The following NMRK1 variants were observed in gnomAD, a reference collection of about 807,000 sequenced individuals.
NMRK1 encodes nicotinamide riboside kinase 1.
NMRK1 carries 28 observed loss-of-function variants against 29.9 expected under a neutral mutation model. The ratio of observed to expected loss-of-function variants is 0.94; its 90% CI spans 0.69 to 1.28. The LOEUF is 1.28. NMRK1 is among the 50% of genes most tolerant of loss of function. The probability of loss-of-function intolerance (pLI) is 0.00; values close to 1 mark genes in which losing one functional copy is unlikely to be tolerated. For missense variants in NMRK1, 218 were observed against 233.1 expected (o/e 0.94, Z 0.42); for synonymous variants, 58 against 73.0 (o/e 0.79, Z 1.05).
chr9:75,069,181 G>T (rs1823548180), intron 6 of NMRK1, 79 bp from the exon 7 acceptor site: 1 of 1,001,390 alleles, frequency 1.0e-6, no homozygotes, highest in East Asian at 2.4e-5. Flanking sequence ...CAGGATAATG[G>T]GGAAATCACT....
chr9:75,071,968 G>A (rs1322357272), intron 4 of NMRK1, among the ~76,000 whole-genome samples: 1 of 152,234 alleles, frequency 6.6e-6, no homozygotes, highest in African/African-American at 2.4e-5. Context: ...GGGTGACGTG[G>A]AGGGGTGACT....
At chr9:75,067,778 C>T (rs145822533) in intron 7 of NMRK1, among the ~76,000 whole-genome samples, 437 of 152,276 alleles carry the variant, frequency 2.9e-3, no homozygotes, top group Non-Finnish European at 4.7e-3. Context: ...CAGCATTGGC[C>T]CTGGGGGTAC....
chr9:75,061,500 C>T lies in NMRK1; in HGVS notation c.*48G>A. 1 of 1,513,290 alleles carries T rather than the reference C, an allele frequency of 6.6e-7. No homozygotes were observed. Among genetic ancestry groups the T allele is most frequent in the Non-Finnish European group, 9.1e-7 (1 of 1,094,474 alleles). 93.7% of individuals were successfully genotyped at this position (1,513,290 alleles called of 1,614,324 possible). ...CTTGGTGAAGGTTCTTAAATTACTC[C>T]TTGGAGTTTCCTAATTCACTTCAGG... On this transcript the variant is annotated 3_prime_UTR_variant, in exon 9 of 9. Coordinates refer to ENST00000361092, the MANE Select transcript of NMRK1 (RefSeq NM_017881.3).
At chr9:75,087,556 G>A (rs1824736989) in intron 1 of NMRK1, 1 of 151,654 alleles carries the variant, frequency 6.6e-6, no homozygotes, top group Non-Finnish European at 1.5e-5. Flanking sequence ...GTAATTTCAT[G>A]TAATTTTCAC....
intron 4 of NMRK1, among the ~76,000 whole-genome samples, chr9:75,074,039 G>T (rs1221886058): frequency 2.0e-5 from 3 of 151,778 alleles, no homozygotes; most frequent in Non-Finnish European, 2.9e-5. Flanking sequence ...ATATTTCTAT[G>T]TCCTTATACA....
Position 75,066,865 on chromosome 9 carries a change from T to A in NMRK1, c.497-25A>T, listed in dbSNP as rs766841057. The A allele has an allele frequency of 1.5e-5, 20 of 1,302,128 alleles. No individual in the cohort carries two copies. In the South Asian group the frequency reaches 2.1e-4, roughly 14 times the overall value. The allele number at this position is 1,302,128 out of a possible 1,614,324, so 80.7% of individuals were successfully genotyped here. ...ACTACGAAGGGGAAAAGAGAGCAGTTCAAATGCTAACAGGCTTATTAATAT... is the reference window on the plus strand; with the variant it reads ...ACTACGAAGGGGAAAAGAGAGCAGTACAAATGCTAACAGGCTTATTAATAT... On this transcript the variant is annotated intron_variant, in intron 7 of 8. Coordinates refer to ENST00000361092, the MANE Select transcript of NMRK1 (RefSeq NM_017881.3).
intron 4 of NMRK1, among the ~76,000 whole-genome samples, chr9:75,070,563 T>C (rs545410894): frequency 2.0e-5 from 3 of 152,302 alleles, no homozygotes; most frequent in South Asian, 2.1e-4. Context: ...ACTCTAAAAA[T>C]GTACATACTT....
chr9:75,066,793 A>G lies in NMRK1; in HGVS notation c.544T>C (p.Tyr182His), dbSNP rs771822955. 9 of 1,609,544 alleles carry G rather than the reference A, an allele frequency of 5.6e-6. No individual in the cohort carries two copies. Among genetic ancestry groups the G allele is most frequent in the East Asian group, 2.2e-5 (1 of 44,828 alleles). ...KSEEDLFLQV[Y>H]EDLIQELAKQ... ...GCTAGTTCTTGTATTAGATCTTCAT[A>G]TACTTGCAAAAAGAGGTCCTCTTCA... The change falls in exon 8 of 9, where the codon TAT (tyrosine) becomes CAT (histidine). Residue 182 changes from tyrosine to histidine, a missense_variant. Transcript: ENST00000361092.
intron 4 of NMRK1, 78 bp from the exon 5 acceptor site, chr9:75,070,120 C>A: frequency 8.9e-7 from 1 of 1,127,102 alleles, no homozygotes; most frequent in South Asian, 1.5e-5. Context: ...TGAGTATATC[C>A]AGGATTCTGT....
At chr9:75,080,361 G>A (rs1268164428) in intron 2 of NMRK1, among the ~76,000 whole-genome samples, 2 of 152,160 alleles carry the variant, frequency 1.3e-5, no homozygotes, top group African/African-American at 2.4e-5. Flanking sequence ...ATATTGAAAT[G>A]TGATCCCTGG....
chr9:75,083,829 T>C lies in NMRK1; in HGVS notation c.-35-679A>G, dbSNP rs142602572. On this transcript the variant is annotated intron_variant, in intron 1 of 8. Transcript: ENST00000361092. Reference sequence around the variant, plus strand: ...ATCTAGGTTGTTATGTATGGACTTATATAACAAGAGAAAAAACATTTTCAC... The same window carrying C: ...ATCTAGGTTGTTATGTATGGACTTACATAACAAGAGAAAAAACATTTTCAC... Among the ~76,000 whole-genome samples, 610 of 152,330 alleles carry C rather than the reference T, an allele frequency of 4.0e-3. 8 individuals carry two copies. Among genetic ancestry groups the C allele is most frequent in the African/African-American group, 0.014 (593 of 41,568 alleles).
chr9:75,085,882 A>T lies in NMRK1; in HGVS notation c.-36+2126T>A, dbSNP rs1435502651. Among the ~76,000 whole-genome samples, 3 of 135,996 alleles carry T rather than the reference A, an allele frequency of 2.2e-5. No individual in the cohort carries two copies. In the South Asian group the frequency reaches 7.3e-4, roughly 33 times the overall value. The allele number at this position is 135,996 out of a possible 152,430, so 89.2% of individuals were successfully genotyped here. ...GACAATGTGATGGGAAGGGTGGGTAACTGGAACATGCAGAGACAAGAGAGG... is the reference window on the plus strand; with the variant it reads ...GACAATGTGATGGGAAGGGTGGGTATCTGGAACATGCAGAGACAAGAGAGG... On this transcript the variant is annotated intron_variant, in intron 1 of 8. Coordinates refer to ENST00000361092, the MANE Select transcript of NMRK1 (RefSeq NM_017881.3).
In NMRK1 at chr9:75,069,851, T is replaced by TC. The variant is rs1191636880; in HGVS notation, c.318-39dup. The TC allele has an allele frequency of 2.5e-6, 4 of 1,611,752 alleles. No individual in the cohort carries two copies. In the African/African-American group the frequency reaches 4.0e-5, roughly 16 times the overall value. ...CATACTTAGTTCACAAGGGTTTTTA[T>TC]CCCCCCATTCACTCAGAGACAATAT... On this transcript the variant is annotated intron_variant, in intron 5 of 8. Coordinates refer to ENST00000361092, the MANE Select transcript of NMRK1 (RefSeq NM_017881.3).
In NMRK1 at chr9:75,077,509, G is replaced by T; in HGVS notation, c.101C>A (p.Ser34Tyr). The change falls in exon 3 of 9, where the codon TCT (serine) becomes TAT (tyrosine). Residue 34 changes from serine to tyrosine, a missense_variant. By Grantham distance (144) the Ser-to-Tyr change is moderately radical. Coordinates refer to ENST00000361092, the MANE Select transcript of NMRK1 (RefSeq NM_017881.3). ...QKHLPNCSVI[S>Y]QDDFFKPESE... ...AGATACCTTGAAGAAATCATCCTGA[G>T]ATATGACACTGCAATTTGGGAGGTG... 6.2e-7 allele frequency: 1 copy of T among 1,609,852 alleles called. No homozygotes were observed. Among genetic ancestry groups the T allele is most frequent in the South Asian group, 1.1e-5 (1 of 90,984 alleles).
At position 75,080,749 on chromosome 9, in the gene NMRK1, T is replaced by C. The variant is rs191978393; in HGVS notation, c.29+2338A>G. Reference sequence around the variant, plus strand: ...GAAGGGTTTGGTGCCATCCCCATGGTAATGAGTGAGTTTTTGCTCTGTTGG... The same window carrying C: ...GAAGGGTTTGGTGCCATCCCCATGGCAATGAGTGAGTTTTTGCTCTGTTGG... On this transcript the variant is annotated intron_variant, in intron 2 of 8. Transcript: ENST00000361092. 1.7e-3 allele frequency among the ~76,000 whole-genome samples: 257 copies of C among 152,288 alleles called. 1 individual carries two copies. The highest frequency in any genetic ancestry group is 2.9e-3 in the Non-Finnish European group (197 of 68,016).
chr9:75,063,395 A>G (rs1033902082), intron 8 of NMRK1, among the ~76,000 whole-genome samples: 2 of 151,910 alleles, frequency 1.3e-5, no homozygotes, highest in Admixed American at 6.6e-5. Context: ...AACCTTAAAA[A>G]TAATGTTTTT....
intron 4 of NMRK1, among the ~76,000 whole-genome samples, chr9:75,073,132 C>A (rs759326197): frequency 5.5e-4 from 84 of 152,240 alleles, no homozygotes; most frequent in Non-Finnish European, 5.4e-4. Context: ...GTACCTGATG[C>A]AATATGACTG....
intron 2 of NMRK1, chr9:75,078,605 C>T (rs2118193847): frequency 8.2e-7 from 1 of 1,216,140 alleles, no homozygotes; most frequent in African/African-American, 1.6e-5. Flanking sequence ...GTCAGGGCAT[C>T]TGTGAACTTG....
chr9:75,084,228 CA>C (rs1232248422), intron 1 of NMRK1, among the ~76,000 whole-genome samples: 1 of 152,182 alleles, frequency 6.6e-6, no homozygotes, highest in East Asian at 1.9e-4. Flanking sequence ...CCTATCTGCT[CA>C]GGGGGGTTGC....
Sources: gnomAD v4.1 joint callset for allele counts (sites outside exome capture counted in the v4.1 genomes callset) on GRCh38, gnomAD v4.1.1 for gene constraint, MANE v1.5 for transcripts, NCBI Gene and HGNC (gene_info 2026-07-23, HGNC 2026-07-21) for gene names.